The following NCAPG2 variants were observed in gnomAD, a reference collection of about 807,000 sequenced individuals.
NCAPG2 encodes non-SMC condensin II complex subunit G2.
Under a neutral mutation model 141.1 loss-of-function variants are expected in NCAPG2, and 53 were observed. The observed-to-expected ratio is 0.38, with a 90% CI of 0.30 to 0.47. The LOEUF is 0.47. Ranked by LOEUF, NCAPG2 falls within the 20% of genes least tolerant of loss-of-function variation. The pLI is 0.99. For synonymous variants in NCAPG2, 499 were observed against 490.7 expected (o/e 1.02, Z -0.22); for missense variants, 1,087 against 1,389.0 (o/e 0.78, Z 3.46).
intron 6 of NCAPG2, among the ~76,000 whole-genome samples, chr7:158,688,640 A>T (rs1349261170): frequency 6.6e-6 from 1 of 152,342 alleles, no homozygotes; most frequent in African/African-American, 2.4e-5. Context: ...GGTTTGATAC[A>T]TATTACCTCA....
chr7:158,684,150 C>T (rs1269038527), intron 8 of NCAPG2, among the ~76,000 whole-genome samples: 1 of 152,250 alleles, frequency 6.6e-6, no homozygotes, highest in Admixed American at 6.5e-5. Flanking sequence ...CACCTGAAGT[C>T]ACTTAGCATC....
In NCAPG2 at chr7:158,671,549, T is replaced by C; in HGVS notation, c.1444A>G (p.Met482Val). Residue 482 changes from methionine to valine, a missense_variant, in exon 13 of 28, where the codon ATG becomes GTG. Transcript: ENST00000356309. Reference protein sequence around the residue: ...SEKVRVAFVDMLLKIKAVRAA... With the variant: ...SEKVRVAFVDVLLKIKAVRAA... ...CTCACAGCTTTGATCTTCAACAGCA[T>C]GTCCACAAAAGCTACCCTCACTTTC... is the stretch of plus-strand genomic sequence containing the variant. The C allele has an allele frequency of 1.2e-6, 2 of 1,614,238 alleles. No individual in the cohort carries two copies. The highest frequency in any genetic ancestry group is 1.7e-6 in the Non-Finnish European group (2 of 1,180,040).
chr7:158,675,745 G>A (rs1530967), intron 11 of NCAPG2, 89 bp from the exon 12 acceptor site: 398,478 of 1,340,542 alleles, frequency 0.3, 61,165 homozygotes, highest in Admixed American at 0.43. Flanking sequence ...TCAGGGATTC[G>A]TAACTTAGAG....
At chr7:158,689,678 G>T in intron 6 of NCAPG2, 141 bp downstream of exon 6, 2 of 620,128 alleles carry the variant, frequency 3.2e-6, no homozygotes, top group Non-Finnish European at 4.9e-6. Context: ...GTACTGCCAT[G>T]CAGTAAAAAT....
At chr7:158,658,149 T>TAAAAAA (rs11444440) in intron 17 of NCAPG2, among the ~76,000 whole-genome samples, 189 bp downstream of exon 17, 3 of 97,488 alleles carry the variant, frequency 3.1e-5, no homozygotes, top group East Asian at 2.5e-4. Context: ...GAATGATCAA[T>TAAAAAA]AAAAAAAAAA....
rs201551364 is a variant in NCAPG2, at chr7:158,652,294, C to T, written c.2933G>A (p.Arg978Gln). The T allele has an allele frequency of 7.4e-5, 119 of 1,613,146 alleles. No homozygotes were observed. Among genetic ancestry groups the T allele is most frequent in the Non-Finnish European group, 8.9e-5 (105 of 1,179,900 alleles). ...SFRKQPEEGLRLLYSVQRPLH... is the reference protein window; with the variant it reads ...SFRKQPEEGLQLLYSVQRPLH... ...CCCGTCCTGGGGAGTTCTGAGTACC[C>T]GCAGGCCTTCTTCCGGCTGCTTCCT... The change falls in exon 23 of 28, where the codon CGG (arginine) becomes CAG (glutamine). Residue 978 changes from arginine (R) to glutamine (Q), a missense_variant and splice_region_variant. Transcript: ENST00000356309.
intron 1 of NCAPG2, among the ~76,000 whole-genome samples, chr7:158,704,382 G>A: frequency 6.6e-6 from 1 of 151,294 alleles, no homozygotes; most frequent in East Asian, 2.0e-4. Flanking sequence ...TCTGAGGGCA[G>A]TGCCCATGCC....
At chr7:158,668,237 CTGCCCTCCTTACCCACTACTGGGTCCCT>C (rs1358748391) in intron 13 of NCAPG2, 1 of 366,640 alleles carries the variant, frequency 2.7e-6, no homozygotes, top group African/African-American at 1.1e-4. Flanking sequence ...CTGGGTCCCT[CTGCCCTCCTTACCCACTACTGGGTCCCT>C]CTGCCCTCCT....
At chr7:158,698,133 G>A (rs1053766420) in intron 2 of NCAPG2, among the ~76,000 whole-genome samples, 74 of 152,118 alleles carry the variant, frequency 4.9e-4, no homozygotes, top group African/African-American at 1.6e-3. Flanking sequence ...ATAAAATGAA[G>A]AAAGATTTTT....
chr7:158,639,722 G>A (rs1359988498), intron 27 of NCAPG2: 12 of 366,934 alleles, frequency 3.3e-5, no homozygotes, highest in Non-Finnish European at 4.5e-5. Context: ...ACTGAAAAGG[G>A]AGAAGTTACC....
In NCAPG2 at chr7:158,652,458, T is replaced by A. The variant is rs1325285647; in HGVS notation, c.2769A>T (p.Ser923=). The change falls in exon 23 of 28, where the codon TCA becomes TCT. Residue 923 remains serine (S), a synonymous_variant. Coordinates refer to ENST00000356309, the MANE Select transcript of NCAPG2 (RefSeq NM_017760.7). ...TCTCTTTCAGAATGTCAAGAAGTAA[T>A]GAAACATAAAAAAATCCCTTCACTA... is the stretch of plus-strand genomic sequence containing the variant. ...MQTVKGFFYV[S]LLLDILKEIT... is the part of the protein sequence containing the mutation. 4 of 1,600,436 alleles carry A rather than the reference T, an allele frequency of 2.5e-6. No individual in the cohort carries two copies. Among genetic ancestry groups the A allele is most frequent in the Middle Eastern group, 1.7e-4 (1 of 6,006 alleles).
At chr7:158,650,074 G>C (rs973929517) in intron 24 of NCAPG2, among the ~76,000 whole-genome samples, 2 of 151,976 alleles carry the variant, frequency 1.3e-5, no homozygotes, top group East Asian at 3.9e-4. Context: ...TTTTCTTTGA[G>C]ACGGAGTCTC....
Position 158,680,100 on chromosome 7 carries a change from G to A in NCAPG2, c.1021-15C>T. 1 of 1,611,654 alleles carries A rather than the reference G, an allele frequency of 6.2e-7. No individual in the cohort carries two copies. Among genetic ancestry groups the A allele is most frequent in the Non-Finnish European group, 8.5e-7 (1 of 1,178,550 alleles). The stretch of plus-strand genomic sequence containing the variant: ...GAGTTTCTGGCCTATAATAATAAAA[G>A]AAGAGTATCTCAGAATCCCAAAGAG... On this transcript the variant is annotated splice_polypyrimidine_tract_variant and intron_variant, in intron 10 of 27. Coordinates refer to ENST00000356309, the MANE Select transcript of NCAPG2 (RefSeq NM_017760.7).
intron 27 of NCAPG2, among the ~76,000 whole-genome samples, chr7:158,642,972 A>G (rs1031573314): frequency 6.6e-6 from 1 of 151,888 alleles, no homozygotes; most frequent in Non-Finnish European, 1.5e-5. Flanking sequence ...ACTTTTATTT[A>G]TTTTTTTCAA....
chr7:158,679,725 TAATA>T (rs1417252734), intron 11 of NCAPG2, among the ~76,000 whole-genome samples: 1 of 152,170 alleles, frequency 6.6e-6, no homozygotes, highest in African/African-American at 2.4e-5. Context: ...CCACACATAG[TAATA>T]AATAATTAAA....
At chr7:158,632,593 G>A (rs1829963158) in intron 27 of NCAPG2, among the ~76,000 whole-genome samples, 1 of 152,124 alleles carries the variant, frequency 6.6e-6, no homozygotes, top group African/African-American at 2.4e-5. Context: ...CAATCCTATT[G>A]TCTTCCTGTG....
chr7:158,646,920 T>C (rs980303058), intron 24 of NCAPG2, among the ~76,000 whole-genome samples: 2 of 151,880 alleles, frequency 1.3e-5, no homozygotes, highest in African/African-American at 2.4e-5. Flanking sequence ...TCCCAGCTAC[T>C]TGGGAGACTG....
chr7:158,660,611 T>C (rs958091969), intron 16 of NCAPG2, among the ~76,000 whole-genome samples: 5 of 152,088 alleles, frequency 3.3e-5, no homozygotes, highest in African/African-American at 1.2e-4. Context: ...AAACGAGGTC[T>C]CACTATGTTG....
rs1487530062 is a variant in NCAPG2 at position 158,656,275 on chromosome 7, G to A, written c.2373C>T (p.Ala791=). The change falls in exon 19 of 28, where the codon GCC becomes GCT. Residue 791 remains alanine (A), a synonymous_variant. Coordinates refer to ENST00000356309, the MANE Select transcript of NCAPG2 (RefSeq NM_017760.7). ...PRKKLNHLLK[A]LETSKADLES... is the part of the protein sequence containing the mutation. Reference sequence around the variant, plus strand: ...ACAGAGTTACCTTTGACGTTTCAAGGGCTTTCAAAAGATGGTTAAGTTTCT... The same window carrying A: ...ACAGAGTTACCTTTGACGTTTCAAGAGCTTTCAAAAGATGGTTAAGTTTCT... 1.9e-6 allele frequency: 3 copies of A among 1,613,964 alleles called. No homozygotes were observed. Among genetic ancestry groups the A allele is most frequent in the Non-Finnish European group, 2.5e-6 (3 of 1,180,010 alleles).
Sources: gnomAD v4.1 joint callset for allele counts (sites outside exome capture counted in the v4.1 genomes callset) on GRCh38, gnomAD v4.1.1 for gene constraint, MANE v1.5 for transcripts, NCBI Gene and HGNC (gene_info 2026-07-23, HGNC 2026-07-21) for gene names.